The following GRB14 variants were observed in gnomAD, a reference collection of about 807,000 sequenced individuals.
GRB14 encodes the protein growth factor receptor-bound protein 14.
In GRB14, 38 loss-of-function variants were observed where a neutral mutation model predicts 69.1. The observed-to-expected ratio is 0.55, with a 90% CI of 0.42 to 0.72. The LOEUF is 0.72. Among genes scored for constraint, GRB14 ranks in the 30% least tolerant of loss-of-function variants. The pLI is 0.00. For synonymous variants in GRB14, 247 were observed against 241.3 expected, an observed-to-expected ratio of 1.02 and a Z score of -0.22; for missense variants, 666 against 666.1, an observed-to-expected ratio of 1.00 and a Z score of 0.00.
Position 164,492,912 on chromosome 2 carries a change from T to G in GRB14, c.*124A>C. On this transcript the variant is annotated 3_prime_UTR_variant, in exon 14 of 14. Coordinates refer to ENST00000263915, the MANE Select transcript of GRB14 (RefSeq NM_004490.3). ...TTATTTGCAATGCACAAACTATTTT[T>G]TTGTAACTTGCAGGTGAAATACATT... 1 of 820,586 alleles carries G rather than the reference T, an allele frequency of 1.2e-6. No individual in the cohort carries two copies. 50.8% of individuals were successfully genotyped at this position (820,586 alleles called of 1,614,324 possible). A position where few individuals can be genotyped will look rare whatever the true frequency, so the allele number is the denominator to read the frequency against.
intron 3 of GRB14, among the ~76,000 whole-genome samples, chr2:164,546,702 C>T (rs1559044622): frequency 6.6e-6 from 1 of 152,150 alleles, no homozygotes; most frequent in Non-Finnish European, 1.5e-5. Context: ...AGAAGATCTG[C>T]CTCTGTCTTA....
chr2:164,595,474 G>A (rs961447853), intron 2 of GRB14, among the ~76,000 whole-genome samples: 1 of 152,170 alleles, frequency 6.6e-6, no homozygotes, highest in Non-Finnish European at 1.5e-5. Flanking sequence ...CTAGGAAAAG[G>A]GGTAATTCAC....
chr2:164,556,645 AC>A (rs1240126952), intron 2 of GRB14, among the ~76,000 whole-genome samples: 1 of 152,060 alleles, frequency 6.6e-6, no homozygotes, highest in Non-Finnish European at 1.5e-5. Context: ...CCTACCCTCT[AC>A]TTTTTCTGCT....
At chr2:164,620,723 A>G (rs1445586835) in intron 1 of GRB14, among the ~76,000 whole-genome samples, 1 of 152,164 alleles carries the variant, frequency 6.6e-6, no homozygotes, top group Non-Finnish European at 1.5e-5. Flanking sequence ...TTGCTTCTAC[A>G]GGGTCGCTGT....
chr2:164,492,886 C>T lies in GRB14; in HGVS notation c.*150G>A, dbSNP rs1686792217. On this transcript the variant is annotated 3_prime_UTR_variant, in exon 14 of 14. Transcript: ENST00000263915. ...AATGTAAAGTCAATCCAAGTCTTTG[C>T]TTATTTGCAATGCACAAACTATTTT... 2 of 592,832 alleles carry T rather than the reference C, an allele frequency of 3.4e-6. No individual in the cohort carries two copies. The highest frequency in any genetic ancestry group is 3.6e-5 in the Admixed American group (1 of 27,590). 36.7% of individuals were successfully genotyped at this position (592,832 alleles called of 1,614,324 possible). A position where few individuals can be genotyped will look rare whatever the true frequency, so the allele number is the denominator to read the frequency against.
rs376540510 is a variant in GRB14, at chr2:164,499,758, G to A, written c.1105-2268C>T. ...GGCTGCACATAAAATGGTTTTTCAG[G>A]AAGTTTGGCTAGGTGACAACCAGTA... is the stretch of plus-strand genomic sequence containing the variant. On this transcript the variant is annotated intron_variant, in intron 9 of 13. Coordinates refer to ENST00000263915, the MANE Select transcript of GRB14 (RefSeq NM_004490.3). Among the ~76,000 whole-genome samples, 4 of 152,196 alleles carry A rather than the reference G, an allele frequency of 2.6e-5. No homozygotes were observed. In the East Asian group the frequency reaches 7.7e-4, roughly 29 times the overall value.
chr2:164,607,877 T>C (rs1408495895), intron 2 of GRB14, among the ~76,000 whole-genome samples: 1 of 152,184 alleles, frequency 6.6e-6, no homozygotes, highest in African/African-American at 2.4e-5. Flanking sequence ...ATGATTGCTT[T>C]CCAATTTTTT....
chr2:164,617,002 A>G (rs12692728), intron 2 of GRB14, among the ~76,000 whole-genome samples: 117,101 of 152,144 alleles, frequency 0.77, 45,677 homozygotes, highest in Admixed American at 0.82. Flanking sequence ...GGACTCACTT[A>G]CATAGAGTCA....
intron 2 of GRB14, among the ~76,000 whole-genome samples, chr2:164,584,936 T>G (rs1574333626): frequency 6.6e-6 from 1 of 151,926 alleles, no homozygotes; most frequent in African/African-American, 2.4e-5. Flanking sequence ...TTGTTTTATA[T>G]GTTTTTGTTT....
intron 2 of GRB14, among the ~76,000 whole-genome samples, chr2:164,593,393 G>A (rs753203860): frequency 6.6e-6 from 1 of 152,150 alleles, no homozygotes; most frequent in Non-Finnish European, 1.5e-5. Context: ...AGCTGGAATT[G>A]AGAATGAATT....
chr2:164,615,838 A>G (rs551790689), intron 2 of GRB14, among the ~76,000 whole-genome samples: 7 of 152,326 alleles, frequency 4.6e-5, no homozygotes, highest in Admixed American at 4.6e-4. Context: ...GTCAACAAAA[A>G]AGACAAGAAC....
chr2:164,511,835 G>C (rs1300325988), intron 6 of GRB14, among the ~76,000 whole-genome samples: 3 of 152,132 alleles, frequency 2.0e-5, no homozygotes, highest in Non-Finnish European at 4.4e-5. Flanking sequence ...GTTCTGAGGG[G>C]TCCCCAGTTC....
chr2:164,543,895 G>A lies in GRB14; in HGVS notation c.481+3765C>T, dbSNP rs1371752642. Among the ~76,000 whole-genome samples, 5 of 152,188 alleles carry A rather than the reference G, an allele frequency of 3.3e-5. No homozygotes were observed. The East Asian group carries it at 9.6e-4, about 29-fold the overall frequency. Reference sequence around the variant, plus strand: ...ATATTTTGTGCTGAGGAAGATGACAGTACCTCAATAGTGATTACTCTCCTC... The same window carrying A: ...ATATTTTGTGCTGAGGAAGATGACAATACCTCAATAGTGATTACTCTCCTC... On this transcript the variant is annotated intron_variant, in intron 3 of 13. Transcript: ENST00000263915.
rs143030429 is a variant in GRB14, at chr2:164,514,036, C to T, written c.817-5184G>A. ...ATGTATGTGCATATAAACTTCTGCACATGTGTATCTATGTAACCATTATAT... is the reference window on the plus strand; with the variant it reads ...ATGTATGTGCATATAAACTTCTGCATATGTGTATCTATGTAACCATTATAT... On this transcript the variant is annotated intron_variant, in intron 6 of 13. Transcript: ENST00000263915. 2.7e-3 allele frequency among the ~76,000 whole-genome samples: 418 copies of T among 152,298 alleles called. 2 individuals carry two copies. Among genetic ancestry groups the T allele is most frequent in the African/African-American group, 9.7e-3 (402 of 41,552 alleles).
chr2:164,573,913 T>C (rs1689181585), intron 2 of GRB14: 1 of 1,613,188 alleles, frequency 6.2e-7, no homozygotes, highest in African/African-American at 1.3e-5. Context: ...GTCATGTGGT[T>C]ATGGGTAACA....
In GRB14 at chr2:164,619,925, C is replaced by G; in HGVS notation, c.192-106G>C. ...AAGGCGAACATGTACCACTCTGTGACAAGGCTCATATTATATAAAGTATAT... is the reference window on the plus strand; with the variant it reads ...AAGGCGAACATGTACCACTCTGTGAGAAGGCTCATATTATATAAAGTATAT... On this transcript the variant is annotated intron_variant, in intron 1 of 13. Transcript: ENST00000263915. The G allele has an allele frequency of 4.6e-6, 4 of 865,336 alleles. No homozygotes were observed. The South Asian group carries it at 6.0e-5, about 13-fold the overall frequency. The allele number at this position is 865,336 out of a possible 1,614,324, so 53.6% of individuals were successfully genotyped here.
intron 2 of GRB14, among the ~76,000 whole-genome samples, chr2:164,581,193 G>A (rs556788129): frequency 6.6e-6 from 1 of 152,158 alleles, no homozygotes; most frequent in Non-Finnish European, 1.5e-5. Flanking sequence ...CCTTCTAACT[G>A]TGCTTGGTCT....
chr2:164,550,056 T>C (rs565823874), intron 2 of GRB14, among the ~76,000 whole-genome samples: 1 of 152,146 alleles, frequency 6.6e-6, no homozygotes. Flanking sequence ...GATTTCTCCA[T>C]CTCAGGTATG....
At chr2:164,580,458 A>T (rs1689373583) in intron 2 of GRB14, among the ~76,000 whole-genome samples, 1 of 149,168 alleles carries the variant, frequency 6.7e-6, no homozygotes, top group Admixed American at 6.7e-5. Flanking sequence ...TAATCCCAGC[A>T]CTTTGGGAGG....
Sources: allele counts gnomAD v4.1 joint callset (sites outside exome capture counted in the v4.1 genomes callset), GRCh38; gene constraint gnomAD v4.1.1; transcripts MANE v1.5; gene names NCBI Gene and HGNC (gene_info 2026-07-23, HGNC 2026-07-21).